SCMH1: variants seen among roughly 807,000 people sequenced by gnomAD.
The protein encoded by SCMH1 is Scm polycomb group protein homolog 1.
SCMH1 carries 37 observed loss-of-function variants against 70.8 expected under a neutral mutation model. The ratio of observed to expected loss-of-function variants is 0.52; its 90% confidence interval spans 0.40 to 0.69. SCMH1 has a LOEUF of 0.69. Ranked by LOEUF, SCMH1 falls within the 30% of genes least tolerant of loss-of-function variation. The pLI, the probability that SCMH1 is intolerant of heterozygous loss-of-function variation, is 0.00. For synonymous variants in SCMH1, 292 were observed against 307.4 expected (o/e 0.95, Z 0.52); for missense variants, 607 against 827.3 (o/e 0.73, Z 3.27).
chr1:41,168,315 A>C (rs1475285884), intron 2 of SCMH1, among the ~76,000 whole-genome samples: 1 of 152,050 alleles, frequency 6.6e-6, no homozygotes, highest in Non-Finnish European at 1.5e-5. Flanking sequence ...ACTATCTTTA[A>C]ACTATCCTTT....
At chr1:41,145,106 A>G (rs1421793622) in intron 5 of SCMH1, among the ~76,000 whole-genome samples, 1 of 151,896 alleles carries the variant, frequency 6.6e-6, no homozygotes, top group African/African-American at 2.4e-5. Flanking sequence ...TAAATTATCT[A>G]TTTTTTCTTT....
chr1:41,173,538 A>G (rs1646922624), intron 2 of SCMH1, among the ~76,000 whole-genome samples: 1 of 152,228 alleles, frequency 6.6e-6, no homozygotes, highest in Admixed American at 6.5e-5. Flanking sequence ...TACAGCTATT[A>G]TGGAAAACAG....
intron 8 of SCMH1, among the ~76,000 whole-genome samples, chr1:41,084,919 T>G (rs1170123256): frequency 2.8e-5 from 4 of 143,740 alleles, no homozygotes; most frequent in Non-Finnish European, 6.0e-5. Context: ...TAGGTGGGAA[T>G]TGAAGAATGA....
chr1:41,195,289 A>G (rs1304618787), intron 1 of SCMH1, among the ~76,000 whole-genome samples: 1 of 152,184 alleles, frequency 6.6e-6, no homozygotes, highest in Non-Finnish European at 1.5e-5. Flanking sequence ...CTTTAATTTC[A>G]AAAACAGCCC....
rs771472375 is a variant in SCMH1 at position 41,116,949 on chromosome 1, C to A, written c.474G>T (p.Glu158Asp). ...TGTGGAAAATCCTGATGGGAGCCAT[C>A]TCTGCTCCATTTAGCGTCTTCAAAA... The change falls in exon 7 of 15, where the codon GAG (glutamate) becomes GAT (aspartate). Residue 158 changes from glutamate (E) to aspartate (D), a missense_variant. This residue lies in a region of SCMH1 where 105 missense variants were observed against 214.5 expected (regional missense o/e 0.49). Transcript: ENST00000337495. 2.1e-5 allele frequency: 33 copies of A among 1,603,386 alleles called. No individual in the cohort carries two copies. The African/African-American group carries it at 4.0e-4, about 20-fold the overall frequency.
chr1:41,232,403 G>A (rs1326483994), intron 1 of SCMH1, among the ~76,000 whole-genome samples: 2 of 152,134 alleles, frequency 1.3e-5, no homozygotes, highest in Admixed American at 6.5e-5. Context: ...TTTGTTTGCC[G>A]ACATTGTTTG....
At chr1:41,037,504 G>T (rs1313309170) in exon 13 of SCMH1, 1 of 1,614,234 alleles carries the variant, frequency 6.2e-7, no homozygotes, top group East Asian at 2.2e-5. Flanking sequence ...GTGGTTCCAA[G>T]GAGCGGGCCA....
intron 1 of SCMH1, among the ~76,000 whole-genome samples, chr1:41,203,752 G>A (rs1654891469): frequency 6.6e-6 from 1 of 152,242 alleles, no homozygotes; most frequent in African/African-American, 2.4e-5. Context: ...TGCTCCTGCT[G>A]CAGTTAACTA....
At chr1:41,214,342 C>G (rs1350324643) in intron 1 of SCMH1, among the ~76,000 whole-genome samples, 4 of 151,990 alleles carry the variant, frequency 2.6e-5, no homozygotes, top group African/African-American at 9.7e-5. Flanking sequence ...CAAAATATAA[C>G]AATATACAAT....
intron 2 of SCMH1, among the ~76,000 whole-genome samples, chr1:41,183,109 C>G (rs992265267): frequency 1.3e-5 from 2 of 152,186 alleles, no homozygotes; most frequent in African/African-American, 4.8e-5. Context: ...AAATCAGAAA[C>G]CTGTAATCCC....
At chr1:41,198,776 TAG>T (rs2148709384) in intron 1 of SCMH1, among the ~76,000 whole-genome samples, 1 of 152,298 alleles carries the variant, frequency 6.6e-6, no homozygotes, top group African/African-American at 2.4e-5. Context: ...AAGTAAATGA[TAG>T]AGTCTGTCTG....
chr1:41,067,411 T>C (rs1347199635), intron 10 of SCMH1, among the ~76,000 whole-genome samples: 2 of 142,450 alleles, frequency 1.4e-5, no homozygotes, highest in African/African-American at 5.4e-5. Context: ...GCCACTGCAC[T>C]TCAGCCTGGG....
At chr1:41,117,192 A>G (rs2147902228) in intron 6 of SCMH1, among the ~76,000 whole-genome samples, 182 bp from the exon 7 acceptor site, 1 of 152,280 alleles carries the variant, frequency 6.6e-6, no homozygotes, top group East Asian at 1.9e-4. Flanking sequence ...TTATATATGA[A>G]TATCATTCAT....
chr1:41,132,637 T>C (rs902573529), intron 6 of SCMH1, among the ~76,000 whole-genome samples: 5 of 152,228 alleles, frequency 3.3e-5, no homozygotes, highest in African/African-American at 1.2e-4. Flanking sequence ...ATGTCCTGAA[T>C]GGTACTGCCC....
chr1:41,179,433 G>T (rs1230142700), intron 2 of SCMH1, among the ~76,000 whole-genome samples: 1 of 152,124 alleles, frequency 6.6e-6, no homozygotes, highest in Non-Finnish European at 1.5e-5. Context: ...CCAGGAGCTG[G>T]TTTTTTGAAA....
At chr1:41,233,862 G>A (rs1353018910) in intron 1 of SCMH1, among the ~76,000 whole-genome samples, 1 of 152,206 alleles carries the variant, frequency 6.6e-6, no homozygotes, top group African/African-American at 2.4e-5. Context: ...CAAGAGCACA[G>A]ACTGTAGATC....
chr1:41,203,786 G>T (rs1355439653), intron 1 of SCMH1, among the ~76,000 whole-genome samples: 1 of 152,194 alleles, frequency 6.6e-6, no homozygotes, highest in Admixed American at 6.5e-5. Context: ...CTTTATTTTG[G>T]CCCATCCCTT....
chr1:41,149,233 CT>C (rs752406621), intron 5 of SCMH1, among the ~76,000 whole-genome samples: 2 of 152,052 alleles, frequency 1.3e-5, no homozygotes, highest in African/African-American at 2.4e-5. Flanking sequence ...TTCTAAATTC[CT>C]TTTTCTCTTT....
At chr1:41,227,079 A>G (rs1660412197) in intron 1 of SCMH1, among the ~76,000 whole-genome samples, 1 of 152,188 alleles carries the variant, frequency 6.6e-6, no homozygotes, top group Non-Finnish European at 1.5e-5. Context: ...CTGATTTAAA[A>G]TCCTTCAGTG....
Sources: allele counts gnomAD v4.1 joint callset (sites outside exome capture counted in the v4.1 genomes callset), GRCh38; gene constraint gnomAD v4.1.1; regional missense constraint gnomAD v4.1.1; transcripts MANE v1.5; gene names NCBI Gene and HGNC (gene_info 2026-07-23, HGNC 2026-07-21).